Variants in IMPA2 observed in about 807,000 individuals in gnomAD.
IMPA2 encodes IMP 2.
Under a neutral mutation model 35.1 loss-of-function variants are expected in IMPA2, and 32 were observed. That is an observed-to-expected ratio of 0.91 (90% confidence interval 0.69 to 1.23). The LOEUF is 1.23. IMPA2 is among the 50% of genes most tolerant of loss of function. IMPA2 has a pLI of 0.00. For missense variants in IMPA2, 334 were observed against 387.6 expected, an observed-to-expected ratio of 0.86 and a Z score of 1.16; for synonymous variants, 135 against 160.6, an observed-to-expected ratio of 0.84 and a Z score of 1.20.
At chr18:11,999,268 G>A in intron 2 of IMPA2, 81 bp downstream of exon 2, 2 of 1,403,660 alleles carry the variant, frequency 1.4e-6, no homozygotes, top group African/African-American at 1.5e-5. Flanking sequence ...GGGTCAGGGG[G>A]CTCTGCTGTT....
intron 7 of IMPA2, 117 bp downstream of exon 7, chr18:12,029,110 T>G (rs1907970955): frequency 5.7e-6 from 2 of 351,790 alleles, no homozygotes; most frequent in Admixed American, 6.5e-5. Flanking sequence ...GAGTTTCTGT[T>G]TTTTTTTTTT....
At chr18:11,997,338 G>T (rs1467997322) in intron 1 of IMPA2, among the ~76,000 whole-genome samples, 1 of 152,224 alleles carries the variant, frequency 6.6e-6, no homozygotes, top group Non-Finnish European at 1.5e-5. Flanking sequence ...CTGGCCAGAG[G>T]CAGGGCCTGG....
intron 2 of IMPA2, among the ~76,000 whole-genome samples, chr18:12,005,502 AT>A (rs1040216683): frequency 6.0e-5 from 9 of 149,244 alleles, no homozygotes; most frequent in South Asian, 2.2e-4. Context: ...AAAAAAAAAA[AT>A]TTCTAAAAGT....
intron 2 of IMPA2, among the ~76,000 whole-genome samples, chr18:12,008,860 AG>A (rs1907353583): frequency 6.6e-6 from 1 of 152,176 alleles, no homozygotes; most frequent in Non-Finnish European, 1.5e-5. Context: ...TGAGGATTGT[AG>A]GGGGCCTTGT....
intron 5 of IMPA2, among the ~76,000 whole-genome samples, chr18:12,021,425 T>C (rs1907726527): frequency 6.7e-6 from 1 of 149,956 alleles, no homozygotes; most frequent in Admixed American, 6.7e-5. Flanking sequence ...GATGAAAGTG[T>C]AGTCACAGAA....
intron 2 of IMPA2, among the ~76,000 whole-genome samples, chr18:12,001,918 C>T (rs1004108846): frequency 6.6e-6 from 1 of 152,160 alleles, no homozygotes; most frequent in Non-Finnish European, 1.5e-5. Context: ...ACGGACAGCC[C>T]CAGTCTGTGT....
chr18:11,990,223 C>A (rs1906776152), intron 1 of IMPA2, among the ~76,000 whole-genome samples: 1 of 152,192 alleles, frequency 6.6e-6, no homozygotes, highest in Non-Finnish European at 1.5e-5. Flanking sequence ...CCCCTGGGCT[C>A]ACCTTTCATG....
In IMPA2 at chr18:12,030,543, T is replaced by C; in HGVS notation, c.*85T>C. 9.8e-7 allele frequency: 1 copy of C among 1,018,422 alleles called. No homozygotes were observed. The highest frequency in any genetic ancestry group is 1.5e-6 in the Non-Finnish European group (1 of 653,436). 63.1% of individuals were successfully genotyped at this position (1,018,422 alleles called of 1,614,324 possible). On this transcript the variant is annotated 3_prime_UTR_variant, in exon 8 of 8. Transcript: ENST00000269159. Reference sequence around the variant, plus strand: ...GGTGGCCCTCGTGGCCCACGCTCCATGCCAGTGGCTCACGCTCTGCTCCTG... The same window carrying C: ...GGTGGCCCTCGTGGCCCACGCTCCACGCCAGTGGCTCACGCTCTGCTCCTG...
chr18:11,992,778 T>TAAAGGGGTTC (rs1369082333), intron 1 of IMPA2, among the ~76,000 whole-genome samples: 18 of 152,088 alleles, frequency 1.2e-4, no homozygotes, highest in East Asian at 1.2e-3. Context: ...ATAGCCGTGG[T>TAAAGGGGTTC]AAAGGGGTTC....
intron 5 of IMPA2, among the ~76,000 whole-genome samples, chr18:12,015,625 G>A (rs980838556): frequency 6.1e-4 from 93 of 152,224 alleles, no homozygotes; most frequent in African/African-American, 2.1e-3. Context: ...GGGCCTCTGA[G>A]GGGCAACCAG....
chr18:12,022,367 A>G (rs1185422873), intron 5 of IMPA2, among the ~76,000 whole-genome samples: 4 of 151,710 alleles, frequency 2.6e-5, no homozygotes, highest in Non-Finnish European at 5.9e-5. Context: ...CCCCGTCTCT[A>G]TTAAAAATAC....
intron 5 of IMPA2, among the ~76,000 whole-genome samples, chr18:12,025,366 T>C (rs1040458620): frequency 6.6e-6 from 1 of 152,340 alleles, no homozygotes; most frequent in Admixed American, 6.5e-5. Flanking sequence ...AAACAAGTTT[T>C]CAACTCCTTG....
intron 1 of IMPA2, among the ~76,000 whole-genome samples, chr18:11,993,064 C>T (rs1310236546): frequency 7.8e-6 from 1 of 127,706 alleles, no homozygotes; most frequent in African/African-American, 3.7e-5. Flanking sequence ...TTCTCAGATA[C>T]ATGTTCTCAC....
In IMPA2 at chr18:11,984,008, A is replaced by T. The variant is rs78886319; in HGVS notation, c.96+2243A>T. ...TGCTCACCCTTCACTAGCACCCAGC[A>T]TTCTACCACTCTGTTGTTCGCTGCT... is the stretch of plus-strand genomic sequence containing the variant. On this transcript the variant is annotated intron_variant, in intron 1 of 7. Coordinates refer to ENST00000269159, the MANE Select transcript of IMPA2 (RefSeq NM_014214.3). Among the ~76,000 whole-genome samples, 344 of 152,250 alleles carry T rather than the reference A, an allele frequency of 2.3e-3. 3 individuals carry two copies. The highest frequency in any genetic ancestry group is 6.8e-3 in the Middle Eastern group (2 of 294).
At chr18:11,982,816 T>C (rs1344028210) in intron 1 of IMPA2, among the ~76,000 whole-genome samples, 1 of 151,502 alleles carries the variant, frequency 6.6e-6, no homozygotes, top group African/African-American at 2.4e-5. Flanking sequence ...AAAAAGTGAT[T>C]GTTTTCGGGG....
At chr18:12,026,909 G>T (rs1035809125) in intron 5 of IMPA2, among the ~76,000 whole-genome samples, 2 of 152,232 alleles carry the variant, frequency 1.3e-5, no homozygotes, top group African/African-American at 4.8e-5. Context: ...GGGCAGGCAG[G>T]TTGCTTTGGT....
chr18:12,025,727 G>A (rs188802981), intron 5 of IMPA2, among the ~76,000 whole-genome samples: 3 of 151,998 alleles, frequency 2.0e-5, no homozygotes, highest in East Asian at 3.9e-4. Flanking sequence ...TTACAGGCAC[G>A]TGCTGCCATA....
At chr18:11,984,516 C>CT (rs1408651600) in intron 1 of IMPA2, among the ~76,000 whole-genome samples, 4 of 152,340 alleles carry the variant, frequency 2.6e-5, no homozygotes, top group African/African-American at 9.6e-5. Flanking sequence ...GGGCCAGAAA[C>CT]TTAGACAATT....
Position 12,030,371 on chromosome 18 carries a change from A to G in IMPA2, c.780A>G (p.Arg260=), listed in dbSNP as rs1262164396. The G allele has an allele frequency of 6.2e-7, 1 of 1,614,096 alleles. No homozygotes were observed. Among genetic ancestry groups the G allele is most frequent in the Admixed American group, 1.7e-5 (1 of 60,018 alleles). The change falls in exon 8 of 8, where the codon AGA becomes AGG. Residue 260 remains arginine, a synonymous_variant. Transcript: ENST00000269159. ...GACCCCTCGACCTCATGGCTTGCAG[A>G]GTGGTTGCGGCCAGCACCCGGGAGA... The part of the protein sequence containing the change: ...SGGPLDLMAC[R]VVAASTREMA...
Sources: gnomAD v4.1 joint callset for allele counts (sites outside exome capture counted in the v4.1 genomes callset) on GRCh38, gnomAD v4.1.1 for gene constraint, MANE v1.5 for transcripts, NCBI Gene and HGNC (gene_info 2026-07-23, HGNC 2026-07-21) for gene names.